The following TMCC1 variants were observed in gnomAD, a reference collection of about 807,000 sequenced individuals.
TMCC1 encodes transmembrane and coiled-coil domains protein 1.
A neutral mutation model predicts 52.4 loss-of-function variants in TMCC1; 15 were observed. The ratio of observed to expected loss-of-function variants is 0.29; its 90% confidence interval spans 0.19 to 0.44. TMCC1 has a LOEUF of 0.44. TMCC1 is among the 20% of genes least tolerant of loss of function. The pLI, the probability that TMCC1 is intolerant of heterozygous loss-of-function variation, is 1.00. For missense variants in TMCC1, 503 were observed against 806.0 expected, an observed-to-expected ratio of 0.62 and a Z score of 4.55; for synonymous variants, 279 against 301.9, an observed-to-expected ratio of 0.92 and a Z score of 0.79.
intron 4 of TMCC1, among the ~76,000 whole-genome samples, chr3:129,679,300 C>CTTATTTAT (rs549064569): frequency 6.6e-6 from 1 of 152,088 alleles, no homozygotes; most frequent in African/African-American, 2.4e-5. Context: ...CTCTGACTGC[C>CTTATTTAT]TTATTTATTT....
chr3:129,729,951 T>C (rs900779851), intron 4 of TMCC1, among the ~76,000 whole-genome samples: 1 of 152,000 alleles, frequency 6.6e-6, no homozygotes, highest in Non-Finnish European at 1.5e-5. Flanking sequence ...GGCCAACGAG[T>C]GAGACCTTGT....
intron 4 of TMCC1, among the ~76,000 whole-genome samples, chr3:129,786,407 C>T (rs924105684): frequency 7.9e-5 from 12 of 152,176 alleles, no homozygotes; most frequent in African/African-American, 2.7e-4. Context: ...ATGCACCAGA[C>T]TGGTGAGGGG....
intron 4 of TMCC1, among the ~76,000 whole-genome samples, chr3:129,792,748 T>C (rs2056563862): frequency 6.6e-6 from 1 of 152,132 alleles, no homozygotes; most frequent in South Asian, 2.1e-4. Flanking sequence ...CATTATAGGA[T>C]CCATAAATCA....
At chr3:129,844,907 A>C (rs570569408) in intron 2 of TMCC1, among the ~76,000 whole-genome samples, 1 of 152,340 alleles carries the variant, frequency 6.6e-6, no homozygotes, top group South Asian at 2.1e-4. Flanking sequence ...AAAGAGGGAA[A>C]GGATGTCTAT....
chr3:129,678,814 C>T (rs1365224157), intron 4 of TMCC1, among the ~76,000 whole-genome samples: 1 of 152,180 alleles, frequency 6.6e-6, no homozygotes, highest in Non-Finnish European at 1.5e-5. Flanking sequence ...GATAGTCTAG[C>T]TACAGAGTAT....
chr3:129,745,913 TA>T (rs772638388), intron 4 of TMCC1, among the ~76,000 whole-genome samples: 199 of 135,928 alleles, frequency 1.5e-3, no homozygotes, highest in East Asian at 1.9e-3. Flanking sequence ...AGACTCTCCC[TA>T]AAAAAAAAAA....
At chr3:129,853,512 C>G (rs762140007) in intron 2 of TMCC1, among the ~76,000 whole-genome samples, 1 of 151,506 alleles carries the variant, frequency 6.6e-6, no homozygotes, top group Non-Finnish European at 1.5e-5. Context: ...ACCTGTAGTC[C>G]TAGTTACTCA....
In TMCC1 at chr3:129,866,341, ATT is replaced by A. The variant is rs547152771; in HGVS notation, c.-184+13966_-184+13967del. On this transcript the variant is annotated intron_variant, in intron 2 of 6. Coordinates refer to ENST00000393238, the MANE Select transcript of TMCC1 (RefSeq NM_001017395.5). ...ATATATACATATATACATAATATATATTATATATACATAATATATATTTTATA... is the reference window on the plus strand; with the variant it reads ...ATATATACATATATACATAATATATAATATATACATAATATATATTTTATA... 9.6e-3 allele frequency among the ~76,000 whole-genome samples: 1,352 copies of A among 141,344 alleles called. 18 individuals are homozygous for A. Among genetic ancestry groups the A allele is most frequent in the African/African-American group, 0.034 (1,290 of 38,288 alleles). 92.7% of individuals were successfully genotyped at this position (141,344 alleles called of 152,430 possible).
chr3:129,814,170 G>A (rs768294102), intron 4 of TMCC1, among the ~76,000 whole-genome samples: 2 of 152,104 alleles, frequency 1.3e-5, no homozygotes. Flanking sequence ...GTAAGGTTTA[G>A]ATAAGATGCC....
At position 129,715,634 on chromosome 3, in the gene TMCC1, A is replaced by G. The variant is rs561775746; in HGVS notation, c.577-44370T>C. On this transcript the variant is annotated intron_variant, in intron 4 of 6. Transcript: ENST00000393238. ...CAAGTAAGCCTACCTTTATATTGAC[A>G]TTCCTTATTTTCCTGTTAAAAGTAA... 3.0e-4 allele frequency among the ~76,000 whole-genome samples: 46 copies of G among 152,318 alleles called. 1 individual carries two copies. Among genetic ancestry groups the G allele is most frequent in the African/African-American group, 1.1e-3 (44 of 41,572 alleles).
intron 4 of TMCC1, among the ~76,000 whole-genome samples, chr3:129,698,264 G>A (rs113534223): frequency 0.097 from 14,759 of 152,148 alleles, 839 homozygotes; most frequent in African/African-American, 0.15. Flanking sequence ...CTTACTTGGC[G>A]GCAGGCAAGA....
chr3:129,821,097 G>T (rs2058395363), intron 4 of TMCC1, among the ~76,000 whole-genome samples: 1 of 152,156 alleles, frequency 6.6e-6, no homozygotes, highest in South Asian at 2.1e-4. Context: ...TTACTTGGCA[G>T]ATTACCGACT....
At chr3:129,845,643 G>A (rs1050300807) in intron 2 of TMCC1, among the ~76,000 whole-genome samples, 1 of 152,122 alleles carries the variant, frequency 6.6e-6, no homozygotes, top group Non-Finnish European at 1.5e-5. Flanking sequence ...GAAACACACT[G>A]CATTAGACAA....
At chr3:129,681,364 A>G (rs2088961518) in intron 4 of TMCC1, among the ~76,000 whole-genome samples, 1 of 152,070 alleles carries the variant, frequency 6.6e-6, no homozygotes, top group African/African-American at 2.4e-5. Flanking sequence ...GTATAGGAAT[A>G]CTCACGGTTT....
At chr3:129,658,152 C>T (rs1161420135) in intron 5 of TMCC1, among the ~76,000 whole-genome samples, 1 of 152,168 alleles carries the variant, frequency 6.6e-6, no homozygotes, top group African/African-American at 2.4e-5. Flanking sequence ...GATGGATGCT[C>T]ACAGAAACAT....
At chr3:129,879,836 C>A (rs536906155) in intron 2 of TMCC1, among the ~76,000 whole-genome samples, 3 of 152,214 alleles carry the variant, frequency 2.0e-5, no homozygotes, top group African/African-American at 7.2e-5. Flanking sequence ...AGAATGAGAA[C>A]AAATTCAGTT....
chr3:129,666,122 T>G (rs2087431419), intron 5 of TMCC1, among the ~76,000 whole-genome samples: 1 of 152,190 alleles, frequency 6.6e-6, no homozygotes, highest in South Asian at 2.1e-4. Flanking sequence ...ACAGCCTACT[T>G]TCTTCCTACA....
chr3:129,756,251 T>C (rs1221962113), intron 4 of TMCC1, among the ~76,000 whole-genome samples: 1 of 152,232 alleles, frequency 6.6e-6, no homozygotes. Context: ...ATGTTTATAG[T>C]AGCTTTCTTC....
chr3:129,839,996 A>C (rs139220709), intron 2 of TMCC1, among the ~76,000 whole-genome samples: 118 of 149,048 alleles, frequency 7.9e-4, no homozygotes, highest in African/African-American at 2.8e-3. Context: ...TAGTCTTACC[A>C]GTTAAAAAAC....
Sources: gnomAD v4.1 joint callset for allele counts (sites outside exome capture counted in the v4.1 genomes callset) on GRCh38, gnomAD v4.1.1 for gene constraint, MANE v1.5 for transcripts, NCBI Gene and HGNC (gene_info 2026-07-23, HGNC 2026-07-21) for gene names.